The following CFAP299 variants were observed in gnomAD, a reference collection of about 807,000 sequenced individuals.
CFAP299 encodes cilia and flagella associated protein 299.
In CFAP299, 21 loss-of-function variants were observed where a neutral mutation model predicts 27.0. The ratio of observed to expected loss-of-function variants is 0.78; its 90% CI spans 0.55 to 1.12. The LOEUF (loss-of-function observed/expected upper bound fraction) is 1.12. CFAP299 is among the 50% of genes most tolerant of loss of function. CFAP299 has a pLI of 0.00. For missense variants in CFAP299, 310 were observed against 276.6 expected (o/e 1.12, Z -0.86); for synonymous variants, 104 against 98.1 (o/e 1.06, Z -0.36).
At chr4:80,540,595 G>C (rs1374982369) in intron 2 of CFAP299, among the ~76,000 whole-genome samples, 1 of 152,090 alleles carries the variant, frequency 6.6e-6, no homozygotes, top group Non-Finnish European at 1.5e-5. Flanking sequence ...CCAAAACAAA[G>C]TCTGTTTGCA....
chr4:80,445,670 A>G (rs1397167991), intron 2 of CFAP299, among the ~76,000 whole-genome samples: 1 of 152,168 alleles, frequency 6.6e-6, no homozygotes. Flanking sequence ...CTTAAAGTAT[A>G]TTAAAAAAAA....
At chr4:80,810,731 A>C (rs1729108741) in intron 3 of CFAP299, among the ~76,000 whole-genome samples, 1 of 152,088 alleles carries the variant, frequency 6.6e-6, no homozygotes, top group Admixed American at 6.6e-5. Context: ...TGAGATGATA[A>C]ATTTCTGTTG....
chr4:80,338,191 G>A (rs1199647211), intron 1 of CFAP299, among the ~76,000 whole-genome samples: 1 of 152,024 alleles, frequency 6.6e-6, no homozygotes, highest in Non-Finnish European at 1.5e-5. Context: ...CAAAATTGTC[G>A]ATATTTATCA....
At chr4:80,924,846 C>A (rs912356450) in intron 4 of CFAP299, among the ~76,000 whole-genome samples, 4 of 151,478 alleles carry the variant, frequency 2.6e-5, no homozygotes, top group African/African-American at 9.7e-5. Flanking sequence ...TTATTATTAG[C>A]AATGCTTATG....
intron 3 of CFAP299, among the ~76,000 whole-genome samples, chr4:80,749,688 A>C (rs1362404699): frequency 6.6e-6 from 1 of 152,218 alleles, no homozygotes; most frequent in South Asian, 2.1e-4. Context: ...GTTTGAGGGC[A>C]GGAAGCATCC....
intron 4 of CFAP299, among the ~76,000 whole-genome samples, chr4:80,938,402 C>A (rs914168986): frequency 3.3e-5 from 5 of 152,186 alleles, no homozygotes; most frequent in African/African-American, 9.7e-5. Context: ...ATAGCATGAG[C>A]CATCTGTGCC....
At chr4:80,763,936 A>G (rs1295206169) in intron 3 of CFAP299, among the ~76,000 whole-genome samples, 2 of 152,212 alleles carry the variant, frequency 1.3e-5, no homozygotes, top group Admixed American at 1.3e-4. Context: ...CCTTCCTTAT[A>G]CCTTATACAA....
In CFAP299 at chr4:80,912,448, C is replaced by T. The variant is rs575597932; in HGVS notation, c.477-32362C>T. ...CACCTCACCATATCAATGAGTCATC[C>T]GTCGAAAGAGCCACTTGGTGCAGCT... On this transcript the variant is annotated intron_variant, in intron 4 of 5. Coordinates refer to ENST00000358105, the MANE Select transcript of CFAP299 (RefSeq NM_152770.3). Among the ~76,000 whole-genome samples, 82 of 152,096 alleles carry T rather than the reference C, an allele frequency of 5.4e-4. 1 individual carries two copies. Among genetic ancestry groups the T allele is most frequent in the Non-Finnish European group, 9.9e-4 (67 of 68,010 alleles).
chr4:80,477,533 C>T (rs1366087490), intron 2 of CFAP299, among the ~76,000 whole-genome samples: 1 of 152,184 alleles, frequency 6.6e-6, no homozygotes, highest in East Asian at 1.9e-4. Context: ...CCGCCATGCA[C>T]ATCCATCTTA....
chr4:80,869,108 G>A (rs187087342), intron 3 of CFAP299, among the ~76,000 whole-genome samples: 1,533 of 152,140 alleles, frequency 0.01, 11 homozygotes, highest in Non-Finnish European at 0.017. Context: ...AGTGTGAGTC[G>A]CAAGAAGTCT....
At chr4:80,857,492 A>C (rs1301849509) in intron 3 of CFAP299, among the ~76,000 whole-genome samples, 1 of 152,192 alleles carries the variant, frequency 6.6e-6, no homozygotes. Context: ...CCAGTTTTCA[A>C]AGGGAATGCT....
At chr4:80,602,929 C>T (rs1055369399) in intron 3 of CFAP299, among the ~76,000 whole-genome samples, 12 of 152,032 alleles carry the variant, frequency 7.9e-5, no homozygotes, top group African/African-American at 2.9e-4. Context: ...AGGGTGTGCT[C>T]TATTGTTTCT....
intron 3 of CFAP299, among the ~76,000 whole-genome samples, chr4:80,859,410 A>G (rs975555572): frequency 6.6e-5 from 10 of 151,766 alleles, no homozygotes; most frequent in Non-Finnish European, 8.8e-5. Flanking sequence ...GTCCATTTAC[A>G]TTTAAAGTTA....
intron 3 of CFAP299, among the ~76,000 whole-genome samples, chr4:80,629,962 C>A (rs1200895890): frequency 6.6e-6 from 1 of 151,152 alleles, no homozygotes; most frequent in Non-Finnish European, 1.5e-5. Flanking sequence ...TTTCTGAATA[C>A]AGCTATTTTC....
intron 3 of CFAP299, among the ~76,000 whole-genome samples, chr4:80,609,251 A>G (rs4693510): frequency 0.94 from 142,881 of 152,144 alleles, 67,142 homozygotes; most frequent in East Asian, 1. Context: ...GTGTAATTAC[A>G]CTAGCAAAAC....
intron 3 of CFAP299, among the ~76,000 whole-genome samples, chr4:80,754,094 A>G (rs1725093135): frequency 6.6e-6 from 1 of 152,088 alleles, no homozygotes; most frequent in Non-Finnish European, 1.5e-5. Context: ...TGGACTGAAC[A>G]TACTGTGTGG....
chr4:80,857,045 G>C (rs1241019946), intron 3 of CFAP299, among the ~76,000 whole-genome samples: 1 of 152,080 alleles, frequency 6.6e-6, no homozygotes, highest in Admixed American at 6.6e-5. Context: ...AGCATGGAAT[G>C]TTCTTCCATT....
At chr4:80,633,283 C>T (rs1056404372) in intron 3 of CFAP299, among the ~76,000 whole-genome samples, 14 of 152,030 alleles carry the variant, frequency 9.2e-5, no homozygotes, top group African/African-American at 3.4e-4. Context: ...CCCGTCTCTA[C>T]TAAAAATACA....
chr4:80,682,443 C>A (rs540218312), intron 3 of CFAP299, among the ~76,000 whole-genome samples: 1 of 152,234 alleles, frequency 6.6e-6, no homozygotes, highest in Admixed American at 6.5e-5. Flanking sequence ...ATTAATCATG[C>A]CTAGTATTCC....
Sources: allele counts gnomAD v4.1 joint callset (sites outside exome capture counted in the v4.1 genomes callset), GRCh38; gene constraint gnomAD v4.1.1; transcripts MANE v1.5; gene names NCBI Gene and HGNC (gene_info 2026-07-23, HGNC 2026-07-21).